The following RFC4 variants were observed in gnomAD, a reference collection of about 807,000 sequenced individuals.
RFC4 encodes the protein A1 37 kDa subunit.
In RFC4, 38 loss-of-function variants were observed where a neutral mutation model predicts 47.6. That is an observed-to-expected ratio of 0.80 (90% CI 0.62 to 1.05). The LOEUF (loss-of-function observed/expected upper bound fraction) is 1.05. Ranked by LOEUF, RFC4 falls within the 50% of genes least tolerant of loss-of-function variation. The pLI is 0.00. For missense variants in RFC4, 489 were observed against 434.0 expected, an observed-to-expected ratio of 1.13 and a Z score of -1.13; for synonymous variants, 164 against 150.0, an observed-to-expected ratio of 1.09 and a Z score of -0.68.
rs777061977 is a variant in RFC4, at chr3:186,790,052, A to G, written c.1009T>C (p.Cys337Arg). The G allele has an allele frequency of 2.5e-6, 4 of 1,613,552 alleles. No homozygotes were observed. Among genetic ancestry groups the G allele is most frequent in the Admixed American group, 1.7e-5 (1 of 60,004 alleles). The change falls in exon 11 of 11, where the codon TGC becomes CGC. Residue 337 changes from cysteine to arginine, a missense_variant. Transcript: ENST00000296273. ...TGTTCATCAGCACCATCTGCTAGGC[A>G]TTTGTCAACTTCCTACGAGAAAAAT... ...ITEKLAEVDKCLADGADEHLQ... is the reference protein window; with the variant it reads ...ITEKLAEVDKRLADGADEHLQ...
chr3:186,791,995 A>G (rs1722151260), intron 7 of RFC4, 145 bp from the exon 8 acceptor site: 2 of 680,882 alleles, frequency 2.9e-6, no homozygotes, highest in South Asian at 3.9e-5. Context: ...AGAAAATATG[A>G]TCAGTCTAGG....
In RFC4 at chr3:186,804,743, G is replaced by GA. The variant is rs762949184; in HGVS notation, c.-11-20dup. On this transcript the variant is annotated intron_variant, in intron 1 of 10. Transcript: ENST00000296273. ...CTTCACCCTGGTCAGGTGCAAGACA[G>GA]AAAAAAAAAGCTTTTATTGAAACTT... The GA allele has an allele frequency of 3.5e-4, 546 of 1,547,186 alleles. No homozygotes were observed. Among genetic ancestry groups the GA allele is most frequent in the South Asian group, 7.7e-4 (63 of 82,100 alleles).
chr3:186,790,416 T>G lies in RFC4; in HGVS notation c.802-10A>C, dbSNP rs2108466362. ...TCTCAGCTGGTATTACCTAGGTAAT[T>G]GAATGTTCGGTATTAAAGATGTTTC... On this transcript the variant is annotated splice_polypyrimidine_tract_variant and intron_variant, in intron 8 of 10. Coordinates refer to ENST00000296273, the MANE Select transcript of RFC4 (RefSeq NM_002916.5). 1 of 1,587,948 alleles carries G rather than the reference T, an allele frequency of 6.3e-7. No homozygotes were observed. Among genetic ancestry groups the G allele is most frequent in the East Asian group, 2.2e-5 (1 of 44,760 alleles).
chr3:186,800,068 G>A lies in RFC4; in HGVS notation c.210+1049C>T, dbSNP rs373436100. Among the ~76,000 whole-genome samples, 28 of 152,084 alleles carry A rather than the reference G, an allele frequency of 1.8e-4. 1 individual carries two copies. The highest frequency in any genetic ancestry group is 1.7e-3 in the East Asian group (9 of 5,156). On this transcript the variant is annotated intron_variant, in intron 3 of 10. Coordinates refer to ENST00000296273, the MANE Select transcript of RFC4 (RefSeq NM_002916.5). ...CCTCCCAGGTTCAAATGATTCTCCCGCTTTAGCCTCCTGAGTAGCTGGGAC... is the reference window on the plus strand; with the variant it reads ...CCTCCCAGGTTCAAATGATTCTCCCACTTTAGCCTCCTGAGTAGCTGGGAC...
At chr3:186,790,546 G>A (rs1272465533) in intron 8 of RFC4, 140 bp from the exon 9 acceptor site, 2 of 680,120 alleles carry the variant, frequency 2.9e-6, no homozygotes, top group African/African-American at 1.8e-5. Context: ...TGGGAGAACG[G>A]AAAGGGCCAG....
chr3:186,797,632 T>G lies in RFC4; in HGVS notation c.211-18A>C. 2.0e-6 allele frequency: 3 copies of G among 1,534,436 alleles called. No homozygotes were observed. The South Asian group carries it at 3.5e-5, about 18-fold the overall frequency. ...TTAGGAAGCTGTAGAAATTAAATTT[T>G]ATTTTTAATAAATGGTATTCTGGCA... is the stretch of plus-strand genomic sequence containing the variant. On this transcript the variant is annotated intron_variant, in intron 3 of 10. Coordinates refer to ENST00000296273, the MANE Select transcript of RFC4 (RefSeq NM_002916.5).
chr3:186,790,071 G>A lies in RFC4; in HGVS notation c.997-7C>T. 2 of 1,612,378 alleles carry A rather than the reference G, an allele frequency of 1.2e-6. No homozygotes were observed. Among genetic ancestry groups the A allele is most frequent in the South Asian group, 2.2e-5 (2 of 90,956 alleles). ...CTAGGCATTTGTCAACTTCCTACGA[G>A]AAAAATTTAAGAAATTAGCATCCTT... On this transcript the variant is annotated splice_region_variant and splice_polypyrimidine_tract_variant and intron_variant, in intron 10 of 10. Coordinates refer to ENST00000296273, the MANE Select transcript of RFC4 (RefSeq NM_002916.5).
At chr3:186,797,438 G>T in intron 4 of RFC4, 97 bp downstream of exon 4, 1 of 835,874 alleles carries the variant, frequency 1.2e-6, no homozygotes, top group Non-Finnish European at 2.0e-6. Context: ...CTATCCTACA[G>T]AAAACGAAAC....
chr3:186,799,932 GTTAT>G (rs1378333895), intron 3 of RFC4, among the ~76,000 whole-genome samples: 1 of 152,136 alleles, frequency 6.6e-6, no homozygotes, highest in African/African-American at 2.4e-5. Context: ...GAGTATTTGT[GTTAT>G]TTATTTTTTA....
chr3:186,792,738 T>C, intron 6 of RFC4, 66 bp downstream of exon 6: 1 of 1,558,214 alleles, frequency 6.4e-7, no homozygotes, highest in South Asian at 1.2e-5. Flanking sequence ...ATCCTAAATT[T>C]CCTTTCCCTA....
chr3:186,803,451 A>G (rs183035630), intron 2 of RFC4, among the ~76,000 whole-genome samples: 1 of 152,220 alleles, frequency 6.6e-6, no homozygotes, highest in African/African-American at 2.4e-5. Context: ...TACCGAGGCT[A>G]CATTCAACCA....
At chr3:186,790,686 T>A (rs563957560) in intron 8 of RFC4, among the ~76,000 whole-genome samples, 1 of 152,254 alleles carries the variant, frequency 6.6e-6, no homozygotes, top group East Asian at 1.9e-4. Context: ...GGATGAAGAT[T>A]AAGTTTTCCC....
chr3:186,791,469 CAA>C (rs1294540136), intron 8 of RFC4: 337 of 342,982 alleles, frequency 9.8e-4, no homozygotes, highest in South Asian at 1.6e-3. Context: ...GACTCTGTCT[CAA>C]AAAAAAAAAA....
At chr3:186,799,172 A>G (rs1451376727) in intron 3 of RFC4, among the ~76,000 whole-genome samples, 1 of 152,224 alleles carries the variant, frequency 6.6e-6, no homozygotes, top group East Asian at 1.9e-4. Flanking sequence ...GAAACAGGGT[A>G]AAATTATTAA....
At chr3:186,801,710 CAAAAAAA>C (rs34281312) in intron 2 of RFC4, among the ~76,000 whole-genome samples, 89 of 72,910 alleles carry the variant, frequency 1.2e-3, no homozygotes, top group African/African-American at 5.0e-3. Context: ...GACTCTGTCT[CAAAAAAA>C]AAAAAAAAAA....
chr3:186,804,797 G>C, intron 1 of RFC4, 73 bp from the exon 2 acceptor site: 1 of 1,439,830 alleles, frequency 6.9e-7, no homozygotes, highest in Admixed American at 2.0e-5. Flanking sequence ...ATAGGAAAGC[G>C]GGGGTGGTGG....
chr3:186,791,613 C>T (rs1197712145), intron 8 of RFC4, 112 bp downstream of exon 8: 1 of 901,246 alleles, frequency 1.1e-6, no homozygotes. Flanking sequence ...CCTTATACTT[C>T]CTAGTGCAGT....
At chr3:186,791,320 C>A (rs1722126655) in intron 8 of RFC4, 1 of 219,896 alleles carries the variant, frequency 4.5e-6, no homozygotes, top group African/African-American at 2.3e-5. Flanking sequence ...GAAACCCCGT[C>A]TCTACTAAAA....
intron 2 of RFC4, among the ~76,000 whole-genome samples, chr3:186,801,710 C>CAAG (rs1722358364): frequency 1.4e-5 from 1 of 72,932 alleles, no homozygotes; most frequent in Non-Finnish European, 2.6e-5. Context: ...GACTCTGTCT[C>CAAG]AAAAAAAAAA....
Sources: allele counts gnomAD v4.1 joint callset (sites outside exome capture counted in the v4.1 genomes callset), GRCh38; gene constraint gnomAD v4.1.1; transcripts MANE v1.5; gene names NCBI Gene and HGNC (gene_info 2026-07-23, HGNC 2026-07-21).